NRG3: variants seen among roughly 807,000 people sequenced by gnomAD.
NRG3 encodes pro-neuregulin-3, membrane-bound isoform.
In NRG3, 31 loss-of-function variants were observed where a neutral mutation model predicts 66.9. The observed-to-expected ratio is 0.46, with a 90% CI of 0.35 to 0.63. The LOEUF is 0.63. Among genes scored for constraint, NRG3 ranks in the 20% least tolerant of loss-of-function variants. NRG3 has a pLI of 0.00. For missense variants in NRG3, 910 were observed against 878.9 expected (o/e 1.04, Z -0.45); for synonymous variants, 393 against 359.4 (o/e 1.09, Z -1.06).
chr10:82,169,160 A>G (rs2072355188), intron 1 of NRG3, among the ~76,000 whole-genome samples: 1 of 152,120 alleles, frequency 6.6e-6, no homozygotes, highest in South Asian at 2.1e-4. Flanking sequence ...ATTTTATTTC[A>G]GCTTCATATT....
chr10:82,645,642 C>A (rs1417802754), intron 2 of NRG3, among the ~76,000 whole-genome samples: 3 of 152,096 alleles, frequency 2.0e-5, no homozygotes, highest in African/African-American at 7.2e-5. Context: ...CAAAATAAGA[C>A]CTTTAGGATA....
intron 1 of NRG3, among the ~76,000 whole-genome samples, chr10:82,049,367 C>T (rs1228322157): frequency 6.6e-6 from 1 of 152,038 alleles, no homozygotes; most frequent in African/African-American, 2.4e-5. Context: ...TAACACTCCT[C>T]ATATATTGCT....
chr10:82,698,774 G>A (rs2055604555), intron 2 of NRG3, among the ~76,000 whole-genome samples: 1 of 139,972 alleles, frequency 7.1e-6, no homozygotes, highest in Non-Finnish European at 1.6e-5. Context: ...TAAAGTACCT[G>A]GGTTATAGAA....
intron 4 of NRG3, among the ~76,000 whole-genome samples, chr10:82,903,774 G>T (rs79520028): frequency 0.048 from 7,366 of 151,942 alleles, 273 homozygotes; most frequent in African/African-American, 0.11. Context: ...TCAACATTAG[G>T]CTATTAGTAA....
At chr10:82,556,329 T>A (rs79965499) in intron 2 of NRG3, among the ~76,000 whole-genome samples, 2,042 of 152,262 alleles carry the variant, frequency 0.013, 44 homozygotes, top group African/African-American at 0.044. Context: ...ATGGTGAAGA[T>A]GTTTCTGGCA....
intron 2 of NRG3, among the ~76,000 whole-genome samples, chr10:82,378,269 A>G (rs772838605): frequency 6.6e-6 from 1 of 152,220 alleles, no homozygotes; most frequent in African/African-American, 2.4e-5. Flanking sequence ...GAGAAACTCC[A>G]GTGAAATACG....
intron 2 of NRG3, among the ~76,000 whole-genome samples, chr10:82,540,207 G>T (rs2043442933): frequency 6.7e-6 from 1 of 150,344 alleles, no homozygotes; most frequent in African/African-American, 2.4e-5. Flanking sequence ...TAACTATTCA[G>T]TTATCCCAGT....
intron 2 of NRG3, among the ~76,000 whole-genome samples, chr10:82,514,709 G>C (rs1041023062): frequency 6.6e-6 from 1 of 151,762 alleles, no homozygotes; most frequent in Admixed American, 6.6e-5. Flanking sequence ...GCTCTTTTTC[G>C]TTTCCATATG....
At chr10:82,599,351 C>T (rs2047477437) in intron 2 of NRG3, among the ~76,000 whole-genome samples, 1 of 152,092 alleles carries the variant, frequency 6.6e-6, no homozygotes, top group Non-Finnish European at 1.5e-5. Context: ...GTCATGGATG[C>T]AGCTACGTCA....
chr10:82,286,618 C>T (rs868656583), intron 1 of NRG3, among the ~76,000 whole-genome samples: 7 of 152,226 alleles, frequency 4.6e-5, no homozygotes, highest in East Asian at 1.9e-4. Context: ...GATGGAGTCT[C>T]GCTCTGTCAC....
intron 7 of NRG3, 76 bp from the exon 8 acceptor site, chr10:82,978,874 T>C: frequency 6.8e-7 from 1 of 1,469,732 alleles, no homozygotes; most frequent in Non-Finnish European, 9.3e-7. Context: ...TTGCAAAGCT[T>C]GAGCAGCCAC....
chr10:82,357,597 A>T (rs1178722281), intron 1 of NRG3, among the ~76,000 whole-genome samples: 1 of 152,188 alleles, frequency 6.6e-6, no homozygotes, highest in Non-Finnish European at 1.5e-5. Context: ...CATCACATGG[A>T]TAGGGAGTAA....
At chr10:82,903,779 T>C (rs1844459874) in intron 4 of NRG3, among the ~76,000 whole-genome samples, 1 of 152,102 alleles carries the variant, frequency 6.6e-6, no homozygotes, top group African/African-American at 2.4e-5. Context: ...ATTAGGCTAT[T>C]AGTAATTAAA....
At chr10:82,952,503 G>A in intron 5 of NRG3, among the ~76,000 whole-genome samples, 1 of 148,350 alleles carries the variant, frequency 6.7e-6, no homozygotes. Context: ...GTGTGTGTGT[G>A]TGTGTGTGTG....
intron 1 of NRG3, among the ~76,000 whole-genome samples, chr10:82,122,857 T>C (rs1274854197): frequency 6.6e-6 from 1 of 152,146 alleles, no homozygotes; most frequent in East Asian, 1.9e-4. Context: ...ACAACCCAAC[T>C]TCTTTTTACT....
chr10:82,691,963 G>A (rs2054964982), intron 2 of NRG3, among the ~76,000 whole-genome samples: 1 of 152,132 alleles, frequency 6.6e-6, no homozygotes, highest in South Asian at 2.1e-4. Context: ...GAACCAATAA[G>A]ACTTACCCTA....
At chr10:82,473,506 G>A (rs184301002) in intron 2 of NRG3, among the ~76,000 whole-genome samples, 2 of 152,120 alleles carry the variant, frequency 1.3e-5, no homozygotes, top group African/African-American at 2.4e-5. Flanking sequence ...AACTAGAAAC[G>A]GACTAAAATA....
intron 4 of NRG3, among the ~76,000 whole-genome samples, chr10:82,916,457 G>A (rs1845836589): frequency 1.3e-5 from 2 of 151,970 alleles, no homozygotes; most frequent in African/African-American, 2.4e-5. Flanking sequence ...GTCTCAAAAA[G>A]TAAAAAAGGT....
intron 2 of NRG3, among the ~76,000 whole-genome samples, chr10:82,528,863 T>G (rs1453837415): frequency 6.6e-6 from 1 of 152,146 alleles, no homozygotes; most frequent in Non-Finnish European, 1.5e-5. Flanking sequence ...AAATGTTTCC[T>G]CTTTTTTAGG....
Sources: gnomAD v4.1 joint callset for allele counts (sites outside exome capture counted in the v4.1 genomes callset) on GRCh38, gnomAD v4.1.1 for gene constraint, MANE v1.5 for transcripts, NCBI Gene and HGNC (gene_info 2026-07-23, HGNC 2026-07-21) for gene names.